Variants in COL24A1 observed in about 807,000 individuals in gnomAD.
COL24A1 encodes the protein collagen type XXIV alpha 1 chain.
In COL24A1, 224 loss-of-function variants were observed where a neutral mutation model predicts 253.9. The observed-to-expected ratio is 0.88, with a 90% CI of 0.79 to 0.99. The LOEUF is 0.99. Ranked by LOEUF, COL24A1 falls within the 50% of genes least tolerant of loss-of-function variation. The probability of loss-of-function intolerance (pLI) is 0.00; values close to 1 mark genes in which losing one functional copy is unlikely to be tolerated. For missense variants in COL24A1, 2,131 were observed against 2,068.5 expected (o/e 1.03, Z -0.59); for synonymous variants, 685 against 673.7 (o/e 1.02, Z -0.26).
intron 19 of COL24A1, among the ~76,000 whole-genome samples, chr1:85,988,100 T>TAA (rs34090648): frequency 0.08 from 11,741 of 147,396 alleles, 717 homozygotes; most frequent in Admixed American, 0.21. Context: ...TTCTGTCTGA[T>TAA]AAAAAAAAAA....
rs1570599652 is a variant in COL24A1 at position 85,784,111 on chromosome 1, A to C, written c.4221+2T>G. On this transcript the variant is annotated splice_donor_variant, in intron 50 of 59. Transcript: ENST00000370571. LOFTEE classifies it high-confidence loss of function. ...AGACTAGAAGAAAGTATGTAAACATACTTTAGGGCCTGGGAATCCTTGGAA... is the reference window on the plus strand; with the variant it reads ...AGACTAGAAGAAAGTATGTAAACATCCTTTAGGGCCTGGGAATCCTTGGAA... 1 of 1,610,714 alleles carries C rather than the reference A, an allele frequency of 6.2e-7. No homozygotes were observed. Among genetic ancestry groups the C allele is most frequent in the Non-Finnish European group, 8.5e-7 (1 of 1,177,408 alleles).
intron 41 of COL24A1, 73 bp from the exon 42 acceptor site, chr1:85,841,351 T>A: frequency 9.6e-7 from 1 of 1,041,700 alleles, no homozygotes; most frequent in East Asian, 2.7e-5. Flanking sequence ...AACCTACTAT[T>A]TTTAAGTATA....
chr1:86,128,253 A>G (rs1648620429), intron 2 of COL24A1, among the ~76,000 whole-genome samples: 1 of 151,994 alleles, frequency 6.6e-6, no homozygotes, highest in South Asian at 2.1e-4. Context: ...AGCTAATTGT[A>G]CTCATCCCCA....
rs147945171 is a variant in COL24A1, at chr1:85,914,470, A to G, written c.2563-3037T>C. Reference sequence around the variant, plus strand: ...CAATGGCGCGATCCTGGCTCACAGCAACCTCTGCCTCCTGGCTTCAAGCGA... The same window carrying G: ...CAATGGCGCGATCCTGGCTCACAGCGACCTCTGCCTCCTGGCTTCAAGCGA... On this transcript the variant is annotated intron_variant, in intron 24 of 59. Coordinates refer to ENST00000370571, the MANE Select transcript of COL24A1 (RefSeq NM_152890.7). 2.3e-3 allele frequency among the ~76,000 whole-genome samples: 348 copies of G among 149,986 alleles called. 7 individuals carry two copies. The East Asian group carries it at 0.046, about 20-fold the overall frequency.
intron 24 of COL24A1, among the ~76,000 whole-genome samples, chr1:85,939,724 A>C (rs1362489739): frequency 2.6e-5 from 4 of 151,992 alleles, no homozygotes; most frequent in Non-Finnish European, 4.4e-5. Flanking sequence ...CTTTAAGTCT[A>C]TTTCTGTTTC....
At chr1:86,142,392 G>A (rs1651242965) in intron 2 of COL24A1, among the ~76,000 whole-genome samples, 1 of 151,622 alleles carries the variant, frequency 6.6e-6, no homozygotes, top group Non-Finnish European at 1.5e-5. Context: ...GCGTGGTGGT[G>A]GGTGCCTGTA....
chr1:86,013,706 G>A (rs777255618), intron 19 of COL24A1, among the ~76,000 whole-genome samples: 18 of 152,030 alleles, frequency 1.2e-4, no homozygotes, highest in Non-Finnish European at 2.1e-4. Context: ...TGTGGTGGCA[G>A]GCACCTGTAA....
At chr1:85,992,289 A>G (rs970068141) in intron 19 of COL24A1, among the ~76,000 whole-genome samples, 1 of 152,220 alleles carries the variant, frequency 6.6e-6, no homozygotes, top group African/African-American at 2.4e-5. Flanking sequence ...TCCATGGTGT[A>G]TATGATAAGC....
chr1:85,791,676 C>T (rs973009250), intron 47 of COL24A1, among the ~76,000 whole-genome samples: 1 of 152,066 alleles, frequency 6.6e-6, no homozygotes. Flanking sequence ...TCAGTATATT[C>T]AATGAAAATC....
At chr1:86,029,393 C>T (rs1698346005) in intron 14 of COL24A1, among the ~76,000 whole-genome samples, 1 of 152,094 alleles carries the variant, frequency 6.6e-6, no homozygotes, top group African/African-American at 2.4e-5. Context: ...AAATAGTAAA[C>T]AAATGTGAGG....
Position 85,748,567 on chromosome 1 carries a change from T to C in COL24A1, c.4438-3061A>G, listed in dbSNP as rs527673772. Among the ~76,000 whole-genome samples the C allele has an allele frequency of 2.8e-3, 422 of 151,698 alleles. 2 individuals are homozygous for C. Among genetic ancestry groups the C allele is most frequent in the African/African-American group, 9.5e-3 (394 of 41,354 alleles). Reference sequence around the variant, plus strand: ...AATAGGAACAGCTCCGGTCTACAGCTCCCAGCGTGAGCCACGCAGAAGACG... The same window carrying C: ...AATAGGAACAGCTCCGGTCTACAGCCCCCAGCGTGAGCCACGCAGAAGACG... On this transcript the variant is annotated intron_variant, in intron 55 of 59. Coordinates refer to ENST00000370571, the MANE Select transcript of COL24A1 (RefSeq NM_152890.7).
intron 45 of COL24A1, among the ~76,000 whole-genome samples, chr1:85,822,214 T>C (rs1558254006): frequency 1.3e-5 from 2 of 152,276 alleles, no homozygotes; most frequent in East Asian, 3.9e-4. Flanking sequence ...GGGTTCTAGG[T>C]AAGTGAATGC....
chr1:85,784,789 G>A (rs934512112), intron 48 of COL24A1, among the ~76,000 whole-genome samples: 4 of 151,986 alleles, frequency 2.6e-5, no homozygotes, highest in Admixed American at 2.6e-4. Context: ...GTAGTGCAGT[G>A]ATGTGATCAT....
At position 86,092,294 on chromosome 1, in the gene COL24A1, G is replaced by A. The variant is rs367701261; in HGVS notation, c.1626C>T (p.Ser542=). The change falls in exon 6 of 60, where the codon TCC becomes TCT. Residue 542 remains serine, a synonymous_variant. Transcript: ENST00000370571. ...PKGPKGDPGF[S]PGQPVPGEKG... ...TTTCTCCAGGAACAGGTTGACCTGGGGAAAATCCTGGATCTCCTTTGGGGC... is the reference window on the plus strand; with the variant it reads ...TTTCTCCAGGAACAGGTTGACCTGGAGAAAATCCTGGATCTCCTTTGGGGC... 3.6e-5 allele frequency: 57 copies of A among 1,604,778 alleles called. 1 individual carries two copies. In the Middle Eastern group the frequency reaches 1.0e-3, roughly 28 times the overall value.
chr1:85,781,909 C>T (rs1448469074), intron 51 of COL24A1, among the ~76,000 whole-genome samples: 1 of 152,186 alleles, frequency 6.6e-6, no homozygotes, highest in East Asian at 1.9e-4. Context: ...GGAAGAGAGT[C>T]TATAATTTCT....
intron 37 of COL24A1, among the ~76,000 whole-genome samples, chr1:85,857,232 T>A (rs908662041): frequency 6.6e-6 from 1 of 152,114 alleles, no homozygotes; most frequent in Non-Finnish European, 1.5e-5. Flanking sequence ...TTTCCTGAGC[T>A]ACTCTTCGAT....
rs144920104 is a variant in COL24A1, at chr1:85,756,750, G to C, written c.4437+4646C>G. Among the ~76,000 whole-genome samples, 13 of 152,294 alleles carry C rather than the reference G, an allele frequency of 8.5e-5. No individual in the cohort carries two copies. In the East Asian group the frequency reaches 2.3e-3, roughly 27 times the overall value. On this transcript the variant is annotated intron_variant, in intron 55 of 59. Transcript: ENST00000370571. ...TGAATTGAAAGTGAAGACTCCAACA[G>C]ATATTTGTACAGCAATGTTTATAGC...
intron 12 of COL24A1, among the ~76,000 whole-genome samples, chr1:86,043,675 A>T (rs1699672923): frequency 6.6e-6 from 1 of 151,944 alleles, no homozygotes; most frequent in African/African-American, 2.4e-5. Flanking sequence ...CTACAGGCAC[A>T]CACCACCACG....
At chr1:86,075,724 C>A (rs1702200827) in intron 7 of COL24A1, among the ~76,000 whole-genome samples, 2 of 152,130 alleles carry the variant, frequency 1.3e-5, no homozygotes, top group South Asian at 2.1e-4. Context: ...CCCTAGGATG[C>A]AAGACTGGTT....
Sources: gnomAD v4.1 joint callset for allele counts (sites outside exome capture counted in the v4.1 genomes callset) on GRCh38, gnomAD v4.1.1 for gene constraint, MANE v1.5 for transcripts, NCBI Gene and HGNC (gene_info 2026-07-23, HGNC 2026-07-21) for gene names.